COL5A1: variants seen among roughly 807,000 people sequenced by gnomAD.
COL5A1 encodes collagen alpha-1(V) chain.
Under a neutral mutation model 263.7 loss-of-function variants are expected in COL5A1, and 16 were observed. The ratio of observed to expected loss-of-function variants is 0.06; its 90% confidence interval spans 0.04 to 0.09. The LOEUF (loss-of-function observed/expected upper bound fraction) is 0.09, where lower values mean the gene tolerates loss of function less well. Ranked by LOEUF, COL5A1 falls within the 10% of genes least tolerant of loss-of-function variation. The probability of loss-of-function intolerance (pLI) is 1.00; values close to 1 mark genes in which losing one functional copy is unlikely to be tolerated. For synonymous variants in COL5A1, 1,012 were observed against 1,004.5 expected (o/e 1.01, Z -0.14); for missense variants, 2,036 against 2,540.5 (o/e 0.80, Z 4.27).
In COL5A1 at chr9:134,755,110, C is replaced by T. The variant is rs929779475; in HGVS notation, c.1827+784C>T. Among the ~76,000 whole-genome samples the T allele has an allele frequency of 6.6e-6, 1 of 152,048 alleles. No individual in the cohort carries two copies. Among genetic ancestry groups the T allele is most frequent in the South Asian group, 2.1e-4 (1 of 4,814 alleles). On this transcript the variant is annotated intron_variant, in intron 16 of 65. Transcript: ENST00000371817. This position sits in a 1 kb window ranked among gnomAD's most constrained non-coding sequence, Gnocchi z 4.1. ...CTGTGGTTAGTGGGTAGAAATGACC[C>T]GATAAGCCGCAGTTTGGCAGGTCCG...
rs192087306 is a variant in COL5A1 at position 134,841,914 on chromosome 9, C to T, written c.5371-243C>T. Among the ~76,000 whole-genome samples the T allele has an allele frequency of 9.2e-5, 14 of 152,290 alleles. No homozygotes were observed. Among genetic ancestry groups the T allele is most frequent in the Non-Finnish European group, 1.6e-4 (11 of 68,012 alleles). On this transcript the variant is annotated intron_variant, in intron 65 of 65. Coordinates refer to ENST00000371817, the MANE Select transcript of COL5A1 (RefSeq NM_000093.5). The surrounding 1 kb of genome is among the most constrained non-coding windows in gnomAD (Gnocchi z 4.8). Reference sequence around the variant, plus strand: ...GCCTTGGGAGGGTCCTGTCGCCTCGCTGATGCCCACACCACCCCACCTCCG... The same window carrying T: ...GCCTTGGGAGGGTCCTGTCGCCTCGTTGATGCCCACACCACCCCACCTCCG...
intron 65 of COL5A1, among the ~76,000 whole-genome samples, chr9:134,839,924 A>T (rs1839968054): frequency 6.6e-6 from 1 of 152,232 alleles, no homozygotes; most frequent in Non-Finnish European, 1.5e-5. Flanking sequence ...GGACAGCAGC[A>T]TCCCAGCTGT....
intron 4 of COL5A1, 84 bp from the exon 5 acceptor site, chr9:134,727,182 C>T: frequency 6.9e-7 from 1 of 1,455,158 alleles, no homozygotes; most frequent in Non-Finnish European, 9.6e-7. Context: ...CTTTCCCCTG[C>T]TTCAAGGCAT....
At chr9:134,832,341 G>A (rs1376892823) in intron 64 of COL5A1, among the ~76,000 whole-genome samples, 2 of 152,188 alleles carry the variant, frequency 1.3e-5, no homozygotes, top group Non-Finnish European at 2.9e-5. Context: ...AGGAGGCAGA[G>A]GTTGCAGTGA....
chr9:134,709,146 G>T, intron 4 of COL5A1: 1 of 356,536 alleles, frequency 2.8e-6, no homozygotes, highest in Middle Eastern at 5.9e-4. Flanking sequence ...CCATCCCTCG[G>T]GGCCATGATT....
At chr9:134,756,948 T>G in intron 17 of COL5A1, 130 bp downstream of exon 17, 1 of 901,364 alleles carries the variant, frequency 1.1e-6, no homozygotes. Flanking sequence ...TCACTGGCAT[T>G]TGACGTGAAG....
chr9:134,730,566 G>A, intron 7 of COL5A1, 91 bp downstream of exon 7: 1 of 1,575,838 alleles, frequency 6.3e-7, no homozygotes, highest in Non-Finnish European at 8.7e-7. Flanking sequence ...TCTTACTCCA[G>A]TTCTCACCTT....
chr9:134,760,363 ACACACACAC>A (rs1564440041), intron 18 of COL5A1, among the ~76,000 whole-genome samples: 7 of 59,054 alleles, frequency 1.2e-4, no homozygotes, highest in South Asian at 1.2e-3. Context: ...CCCCACACAT[ACACACACAC>A]CACACATGCA....
At chr9:134,753,561 C>T (rs1231433523) in intron 14 of COL5A1, among the ~76,000 whole-genome samples, 2 of 152,208 alleles carry the variant, frequency 1.3e-5, no homozygotes, top group East Asian at 3.8e-4. Flanking sequence ...GTCAGGTTCA[C>T]CCCGGAGAGA....
intron 58 of COL5A1, 125 bp downstream of exon 58, chr9:134,820,348 G>T: frequency 1.3e-6 from 1 of 755,446 alleles, no homozygotes; most frequent in Non-Finnish European, 2.3e-6. Context: ...GTTGAGTCCG[G>T]TCATCCTGCT....
At position 134,805,157 on chromosome 9, in the gene COL5A1, G is replaced by A; in HGVS notation, c.3205-4G>A. The stretch of plus-strand genomic sequence containing the variant: ...CCTTGACCAACCTTTTCATGGCTTT[G>A]CAGGGAGCTCTTGGACTGAAAGGCA... On this transcript the variant is annotated splice_polypyrimidine_tract_variant and splice_region_variant and intron_variant, in intron 40 of 65. Coordinates refer to ENST00000371817, the MANE Select transcript of COL5A1 (RefSeq NM_000093.5). 1 of 1,614,040 alleles carries A rather than the reference G, an allele frequency of 6.2e-7. No homozygotes were observed. Among genetic ancestry groups the A allele is most frequent in the Non-Finnish European group, 8.5e-7 (1 of 1,180,014 alleles).
At chr9:134,767,663 A>G (rs1836726140) in intron 24 of COL5A1, among the ~76,000 whole-genome samples, 1 of 152,238 alleles carries the variant, frequency 6.6e-6, no homozygotes, top group Non-Finnish European at 1.5e-5. Flanking sequence ...TGAAATTCAA[A>G]TTTAACCGGG....
At position 134,843,080 on chromosome 9, in the gene COL5A1, G is replaced by T. The variant is rs1445124716; in HGVS notation, c.*777G>T. The stretch of plus-strand genomic sequence containing the variant: ...CAATAAATTGGAAGTTTGCCCCGGG[G>T]CAGCAAGAATTTATGCTGCCATTGA... On this transcript the variant is annotated 3_prime_UTR_variant, in exon 66 of 66. Coordinates refer to ENST00000371817, the MANE Select transcript of COL5A1 (RefSeq NM_000093.5). 1.3e-5 allele frequency: 2 copies of T among 151,522 alleles called. No individual in the cohort carries two copies. The highest frequency in any genetic ancestry group is 2.9e-5 in the Non-Finnish European group (2 of 67,920). 9.4% of individuals were successfully genotyped at this position (151,522 alleles called of 1,614,324 possible). A position where few individuals can be genotyped will look rare whatever the true frequency, so the allele number is the denominator to read the frequency against.
At chr9:134,834,087 C>A (rs1188106254) in intron 64 of COL5A1, among the ~76,000 whole-genome samples, 1 of 152,102 alleles carries the variant, frequency 6.6e-6, no homozygotes, top group East Asian at 1.9e-4. Context: ...AAGGAGGACA[C>A]CTGCTGTCCA....
intron 1 of COL5A1, among the ~76,000 whole-genome samples, chr9:134,657,205 A>G (rs936967294): frequency 0.027 from 20 of 754 alleles, no homozygotes; most frequent in Non-Finnish European, 0.041. Context: ...ATATGGGGGC[A>G]GGGTAGGGGG....
intron 39 of COL5A1, 40 bp downstream of exon 39, chr9:134,803,035 C>T: frequency 6.7e-7 from 1 of 1,489,832 alleles, no homozygotes; most frequent in Admixed American, 1.9e-5. Context: ...CAGGCGTTTC[C>T]TCAGGAATCA....
intron 4 of COL5A1, among the ~76,000 whole-genome samples, chr9:134,714,229 C>G (rs974629454): frequency 6.6e-6 from 1 of 151,980 alleles, no homozygotes; most frequent in African/African-American, 2.4e-5. Context: ...GGCTGGTGAG[C>G]CTTTCTCAGG....
At position 134,765,807 on chromosome 9, in the gene COL5A1, G is replaced by A. The variant is rs12351135; in HGVS notation, c.2088+73G>A. 7,997 of 1,326,838 alleles carry A rather than the reference G, an allele frequency of 6.0e-3. 380 individuals carry two copies. In the African/African-American group the frequency reaches 0.1, roughly 17 times the overall value. 82.2% of individuals were successfully genotyped at this position (1,326,838 alleles called of 1,614,324 possible). On this transcript the variant is annotated intron_variant, in intron 21 of 65. Transcript: ENST00000371817. The surrounding 1 kb of genome is among the most constrained non-coding windows in gnomAD (Gnocchi z 5.1). The stretch of plus-strand genomic sequence containing the variant: ...AGACCCCGCCTCCCAGCCGGTGGAC[G>A]CTTGGGCACTGGGGCAGCAAGTCCG...
At chr9:134,823,303 GAT>G in intron 60 of COL5A1, 111 bp from the exon 61 acceptor site, 3 of 1,211,352 alleles carry the variant, frequency 2.5e-6, no homozygotes, top group Admixed American at 1.7e-5. Context: ...TGCTGTGGCT[GAT>G]AGGGCCACCT....
Sources: allele counts gnomAD v4.1 joint callset (sites outside exome capture counted in the v4.1 genomes callset), GRCh38; gene constraint gnomAD v4.1.1; non-coding constraint Gnocchi (gnomAD v3.1); transcripts MANE v1.5; gene names NCBI Gene and HGNC (gene_info 2026-07-23, HGNC 2026-07-21).